STARD13: variants seen among roughly 807,000 people sequenced by gnomAD.
The protein encoded by STARD13 is StAR related lipid transfer domain containing 13.
Under a neutral mutation model 106.4 loss-of-function variants are expected in STARD13, and 62 were observed. The ratio of observed to expected loss-of-function variants is 0.58; its 90% confidence interval spans 0.48 to 0.72. The LOEUF (loss-of-function observed/expected upper bound fraction) is 0.72, where lower values mean the gene tolerates loss of function less well. STARD13 is among the 30% of genes least tolerant of loss of function. STARD13 has a pLI of 0.00. For synonymous variants in STARD13, 565 were observed against 553.0 expected (o/e 1.02, Z -0.31); for missense variants, 1,387 against 1,424.0 (o/e 0.97, Z 0.42).
the STARD13 span, among the ~76,000 whole-genome samples, chr13:33,484,649 T>C: frequency 6.6e-6 from 1 of 152,282 alleles, no homozygotes; most frequent in East Asian, 1.9e-4. Context: ...GAGGCTGATT[T>C]GAGTAGCAAT....
At chr13:33,406,036 C>T in the STARD13 span, among the ~76,000 whole-genome samples, 781 of 152,262 alleles carry the variant, frequency 5.1e-3, 4 homozygotes, top group African/African-American at 0.018. Flanking sequence ...TGAGAAAAAT[C>T]GAGCTTCAGG....
At chr13:33,673,223 T>A in the STARD13 span, among the ~76,000 whole-genome samples, 3 of 152,220 alleles carry the variant, frequency 2.0e-5, no homozygotes, top group Admixed American at 2.0e-4. Flanking sequence ...TGTTCTTATT[T>A]TCTTACTCCA....
At chr13:33,543,900 G>A in the STARD13 span, among the ~76,000 whole-genome samples, 1 of 152,200 alleles carries the variant, frequency 6.6e-6, no homozygotes, top group Admixed American at 6.5e-5. Flanking sequence ...ATATACTGGT[G>A]ATACTAAGCC....
At chr13:33,660,988 A>G in the STARD13 span, among the ~76,000 whole-genome samples, 130,512 of 152,206 alleles carry the variant, frequency 0.86, 56,910 homozygotes, top group South Asian at 0.96. Flanking sequence ...ATAAACAGCA[A>G]ATAAATTTTT....
At chr13:33,582,114 C>T in the STARD13 span, among the ~76,000 whole-genome samples, 11 of 151,838 alleles carry the variant, frequency 7.2e-5, no homozygotes, top group Middle Eastern at 3.4e-3. Context: ...CCCAGCTACT[C>T]AGGAGGCTGA....
chr13:33,263,975 G>A (rs1203954417), intron 1 of STARD13, among the ~76,000 whole-genome samples: 1 of 152,186 alleles, frequency 6.6e-6, no homozygotes, highest in African/African-American at 2.4e-5. Context: ...TCCAAGACTA[G>A]ATCATAAAAA....
intron 1 of STARD13, among the ~76,000 whole-genome samples, chr13:33,304,516 G>A (rs753724616): frequency 7.2e-5 from 11 of 151,830 alleles, no homozygotes; most frequent in Admixed American, 5.2e-4. Flanking sequence ...GATTTTCCCC[G>A]TGGACATACA....
chr13:33,393,985 C>G, the STARD13 span, among the ~76,000 whole-genome samples: 6 of 152,112 alleles, frequency 3.9e-5, no homozygotes, highest in Admixed American at 3.9e-4. Flanking sequence ...TGCATGTTCT[C>G]TCCTTGAAGG....
downstream of STARD13, among the ~76,000 whole-genome samples, chr13:33,346,027 A>G (rs1008528647): frequency 4.6e-5 from 7 of 152,176 alleles, no homozygotes; most frequent in Admixed American, 6.5e-5. Flanking sequence ...TCCCTCCCAC[A>G]TGATATGTCA....
At chr13:33,135,021 G>T (rs1347446151) in intron 4 of STARD13, among the ~76,000 whole-genome samples, 4 of 152,214 alleles carry the variant, frequency 2.6e-5, no homozygotes, top group Non-Finnish European at 5.9e-5. Flanking sequence ...AGTGCCCATT[G>T]CATTCTGCAC....
the STARD13 span, among the ~76,000 whole-genome samples, chr13:33,605,363 G>A: frequency 1.9e-4 from 29 of 151,486 alleles, no homozygotes; most frequent in African/African-American, 6.8e-4. Context: ...AACTACAGGA[G>A]TAAGTCACCA....
the STARD13 span, among the ~76,000 whole-genome samples, chr13:33,494,507 C>G: frequency 6.6e-6 from 1 of 152,138 alleles, no homozygotes; most frequent in Non-Finnish European, 1.5e-5. Flanking sequence ...ATAATCAGAA[C>G]AATCAGAGTT....
At chr13:33,299,718 G>C (rs1892639087) in intron 1 of STARD13, among the ~76,000 whole-genome samples, 1 of 152,094 alleles carries the variant, frequency 6.6e-6, no homozygotes, top group African/African-American at 2.4e-5. Flanking sequence ...TAGGTGAATG[G>C]GCCCAGGCAC....
chr13:33,356,193 T>C, the STARD13 span, among the ~76,000 whole-genome samples: 3 of 152,354 alleles, frequency 2.0e-5, no homozygotes, highest in East Asian at 5.8e-4. Flanking sequence ...ACGTTTCCAG[T>C]GATTGAAATC....
chr13:33,163,712 C>CATATATATATAACATATATATAAAAA (rs553805990), intron 3 of STARD13, among the ~76,000 whole-genome samples: 2 of 62,424 alleles, frequency 3.2e-5, no homozygotes, highest in Admixed American at 1.8e-4. Context: ...ATATATAAAA[C>CATATATATATAACATATATATAAAAA]ATATATATAA....
chr13:33,555,527 T>C, the STARD13 span, among the ~76,000 whole-genome samples: 1 of 152,238 alleles, frequency 6.6e-6, no homozygotes, highest in South Asian at 2.1e-4. Flanking sequence ...GGTACATTCT[T>C]GTAAGTTCTA....
At chr13:33,210,374 A>G (rs1887653464) in intron 1 of STARD13, among the ~76,000 whole-genome samples, 1 of 152,246 alleles carries the variant, frequency 6.6e-6, no homozygotes, top group South Asian at 2.1e-4. Context: ...CAATAAAAAA[A>G]CTGCACTTAA....
At chr13:33,161,679 C>T (rs1354079820) in intron 3 of STARD13, among the ~76,000 whole-genome samples, 1 of 152,026 alleles carries the variant, frequency 6.6e-6, no homozygotes, top group African/African-American at 2.4e-5. Flanking sequence ...AGCTCAAAGA[C>T]CTATTCACTG....
At chr13:33,542,034 G>A in the STARD13 span, among the ~76,000 whole-genome samples, 2 of 147,282 alleles carry the variant, frequency 1.4e-5, no homozygotes, top group African/African-American at 5.2e-5. Context: ...ATATAAAACT[G>A]TGTATCGACA....
Sources: allele counts gnomAD v4.1 joint callset (sites outside exome capture counted in the v4.1 genomes callset), GRCh38; gene constraint gnomAD v4.1.1; transcripts MANE v1.5; gene names NCBI Gene and HGNC (gene_info 2026-07-23, HGNC 2026-07-21).